The following PLPP4 variants were observed in gnomAD, a reference collection of about 807,000 sequenced individuals.
PLPP4 encodes the protein phospholipid phosphatase 4.
PLPP4 carries 20 observed loss-of-function variants against 32.2 expected under a neutral mutation model. That is an observed-to-expected ratio of 0.62 (90% CI 0.44 to 0.90). PLPP4 has a LOEUF of 0.90. PLPP4 is among the 40% of genes least tolerant of loss of function. PLPP4 has a pLI of 0.00. For synonymous variants in PLPP4, 127 were observed against 133.0 expected, an observed-to-expected ratio of 0.95 and a Z score of 0.31; for missense variants, 257 against 353.1, an observed-to-expected ratio of 0.73 and a Z score of 2.18.
chr10:120,586,518 T>A (rs1163612509), intron 6 of PLPP4, among the ~76,000 whole-genome samples: 1 of 152,136 alleles, frequency 6.6e-6, no homozygotes, highest in Non-Finnish European at 1.5e-5. Flanking sequence ...AACACTTACA[T>A]AACAAGGCCT....
chr10:120,511,142 C>A (rs930605064), intron 2 of PLPP4, among the ~76,000 whole-genome samples: 2 of 152,166 alleles, frequency 1.3e-5, no homozygotes, highest in Non-Finnish European at 2.9e-5. Context: ...AAATTAAGTC[C>A]AGCCTTGTTG....
At chr10:120,583,403 C>G (rs934125740) in intron 6 of PLPP4, among the ~76,000 whole-genome samples, 5 of 152,094 alleles carry the variant, frequency 3.3e-5, no homozygotes, top group Admixed American at 3.3e-4. Context: ...TGGAGTTTAT[C>G]TGGCTCATCT....
At chr10:120,543,040 C>T (rs955704875) in intron 5 of PLPP4, among the ~76,000 whole-genome samples, 4 of 152,142 alleles carry the variant, frequency 2.6e-5, no homozygotes, top group Non-Finnish European at 4.4e-5. Context: ...ACACCCATCC[C>T]CAGGACGGTG....
intron 5 of PLPP4, among the ~76,000 whole-genome samples, chr10:120,531,535 A>G (rs914706664): frequency 2.0e-5 from 3 of 152,250 alleles, no homozygotes; most frequent in Non-Finnish European, 2.9e-5. Flanking sequence ...CCCTCAAGTT[A>G]CAAATCTGTC....
intron 4 of PLPP4, 129 bp from the exon 5 acceptor site, chr10:120,520,842 G>T: frequency 8.9e-7 from 1 of 1,118,460 alleles, no homozygotes; most frequent in Admixed American, 2.1e-5. Context: ...ATTCTGTGAG[G>T]AGCTCCAGTG....
At chr10:120,460,584 G>C (rs1449096480) in intron 1 of PLPP4, among the ~76,000 whole-genome samples, 1 of 152,128 alleles carries the variant, frequency 6.6e-6, no homozygotes, top group Non-Finnish European at 1.5e-5. Context: ...GGGGTATATT[G>C]ATATTTCTTT....
At chr10:120,462,200 A>C (rs1848081913) in intron 1 of PLPP4, among the ~76,000 whole-genome samples, 1 of 138,564 alleles carries the variant, frequency 7.2e-6, no homozygotes, top group Non-Finnish European at 1.6e-5. Flanking sequence ...AGATGAGGTC[A>C]CCAAGTGTGG....
chr10:120,525,683 A>G (rs747151214), intron 5 of PLPP4, among the ~76,000 whole-genome samples: 5 of 152,246 alleles, frequency 3.3e-5, no homozygotes, highest in Admixed American at 2.6e-4. Flanking sequence ...AAATGAGTAC[A>G]TACAAGTTAC....
intron 5 of PLPP4, among the ~76,000 whole-genome samples, chr10:120,554,420 C>T (rs1410291039): frequency 6.7e-6 from 1 of 150,004 alleles, no homozygotes; most frequent in African/African-American, 2.4e-5. Context: ...TAGGAAGTTC[C>T]AAACTCTCCA....
At chr10:120,552,122 C>T (rs550424673) in intron 5 of PLPP4, among the ~76,000 whole-genome samples, 2 of 150,338 alleles carry the variant, frequency 1.3e-5, no homozygotes, top group African/African-American at 2.4e-5. Context: ...TCTGTTGCCC[C>T]AGGTGGTGAT....
In PLPP4 at chr10:120,563,749, G is replaced by A. The variant is rs561937480; in HGVS notation, c.446-11382G>A. Among the ~76,000 whole-genome samples the A allele has an allele frequency of 6.1e-4, 66 of 108,344 alleles. 1 individual carries two copies. Among genetic ancestry groups the A allele is most frequent in the African/African-American group, 1.9e-3 (56 of 29,824 alleles). The allele number at this position is 108,344 out of a possible 152,430, so 71.1% of individuals were successfully genotyped here. A position where few individuals can be genotyped will look rare whatever the true frequency, so the allele number is the denominator to read the frequency against. On this transcript the variant is annotated intron_variant, in intron 5 of 6. Coordinates refer to ENST00000398250, the MANE Select transcript of PLPP4 (RefSeq NM_001030059.3). ...CAGGAAGCGGAGCTTGCAGTGAGCC[G>A]AGATTGCGCCACTGCAGTCCGCAGT...
rs1846127187 is a variant in PLPP4 at position 120,520,973 on chromosome 10, C to T, written c.323C>T (p.Pro108Leu). ...AATGTCCATGGTGTCTTTTGTAGAC[C>T]TCGCCCCGATTTCTTTTACCGCTGC... The part of the protein sequence containing the change: ...TNTIKLIVGR[P>L]RPDFFYRCFP... Residue 108 changes from proline to leucine, a missense_variant and splice_region_variant, in exon 5 of 7, where the codon CCT becomes CTT. Pro to Leu is a moderately conservative substitution (Grantham distance 98). Coordinates refer to ENST00000398250, the MANE Select transcript of PLPP4 (RefSeq NM_001030059.3). 1.9e-6 allele frequency: 3 copies of T among 1,613,800 alleles called. No individual in the cohort carries two copies. The highest frequency in any genetic ancestry group is 1.7e-5 in the Admixed American group (1 of 59,972).
In PLPP4 at chr10:120,556,826, C is replaced by A. The variant is rs375164471; in HGVS notation, c.446-18305C>A. Reference sequence around the variant, plus strand: ...CTCGGCACTAGATGTTACTTTGTATCCACATCTACCTATCTTATATTTAGG... The same window carrying A: ...CTCGGCACTAGATGTTACTTTGTATACACATCTACCTATCTTATATTTAGG... On this transcript the variant is annotated intron_variant, in intron 5 of 6. Coordinates refer to ENST00000398250, the MANE Select transcript of PLPP4 (RefSeq NM_001030059.3). Among the ~76,000 whole-genome samples the A allele has an allele frequency of 7.2e-5, 11 of 152,050 alleles. No individual in the cohort carries two copies. In the East Asian group the frequency reaches 2.1e-3, roughly 30 times the overall value.
intron 1 of PLPP4, among the ~76,000 whole-genome samples, chr10:120,469,487 A>G (rs1848424514): frequency 6.6e-6 from 1 of 152,142 alleles, no homozygotes; most frequent in Non-Finnish European, 1.5e-5. Context: ...TGGGGCTCCT[A>G]AAGTGCTGGG....
At chr10:120,567,307 T>C (rs896503882) in intron 5 of PLPP4, among the ~76,000 whole-genome samples, 1 of 152,230 alleles carries the variant, frequency 6.6e-6, no homozygotes, top group Non-Finnish European at 1.5e-5. Flanking sequence ...GATTCTGTAT[T>C]CAATATTTCC....
At chr10:120,465,772 C>T (rs2133782249) in intron 1 of PLPP4, among the ~76,000 whole-genome samples, 1 of 152,310 alleles carries the variant, frequency 6.6e-6, no homozygotes, top group East Asian at 1.9e-4. Flanking sequence ...AAGCCCCCTT[C>T]CACCACCCTG....
chr10:120,458,765 T>C (rs563892091), intron 1 of PLPP4, among the ~76,000 whole-genome samples: 53 of 152,322 alleles, frequency 3.5e-4, no homozygotes, highest in African/African-American at 1.2e-3. Flanking sequence ...TTTCTACCTT[T>C]GGAATGTACG....
intron 5 of PLPP4, 116 bp from the exon 6 acceptor site, chr10:120,575,015 G>A: frequency 9.5e-7 from 1 of 1,047,934 alleles, no homozygotes; most frequent in Non-Finnish European, 1.4e-6. Context: ...AGTGCCTGGT[G>A]CCAACATGGC....
chr10:120,542,271 T>A (rs1350867603), intron 5 of PLPP4, among the ~76,000 whole-genome samples: 2 of 152,228 alleles, frequency 1.3e-5, no homozygotes, highest in Non-Finnish European at 2.9e-5. Context: ...TGGGCTCAGA[T>A]GCAAATGACC....
Sources: gnomAD v4.1 joint callset for allele counts (sites outside exome capture counted in the v4.1 genomes callset) on GRCh38, gnomAD v4.1.1 for gene constraint, MANE v1.5 for transcripts, NCBI Gene and HGNC (gene_info 2026-07-23, HGNC 2026-07-21) for gene names.